UNC5C: variants seen among roughly 807,000 people sequenced by gnomAD.
UNC5C encodes the protein unc-5 netrin receptor C, also known as netrin receptor UNC5C.
In UNC5C, 47 loss-of-function variants were observed where a neutral mutation model predicts 99.8. That is an observed-to-expected ratio of 0.47 (90% CI 0.37 to 0.60). UNC5C has a LOEUF of 0.60. UNC5C is among the 20% of genes least tolerant of loss of function. The pLI is 0.00. For missense variants in UNC5C, 1,062 were observed against 1,165.9 expected (o/e 0.91, Z 1.30); for synonymous variants, 487 against 452.2 (o/e 1.08, Z -0.98).
intron 1 of UNC5C, among the ~76,000 whole-genome samples, chr4:95,459,047 C>T (rs192225307): frequency 1.3e-5 from 2 of 151,922 alleles, no homozygotes; most frequent in African/African-American, 4.8e-5. Context: ...TGATTTACAC[C>T]CCTGTTATCC....
chr4:95,253,100 G>A (rs984885976), intron 4 of UNC5C, among the ~76,000 whole-genome samples: 1 of 152,042 alleles, frequency 6.6e-6, no homozygotes, highest in African/African-American at 2.4e-5. Flanking sequence ...CATTCAACCT[G>A]TACTAGGCTT....
At chr4:95,271,851 C>G (rs1740679035) in intron 4 of UNC5C, among the ~76,000 whole-genome samples, 1 of 152,140 alleles carries the variant, frequency 6.6e-6, no homozygotes, top group African/African-American at 2.4e-5. Context: ...GCCCTCGTTC[C>G]CTCTTTCCTG....
chr4:95,488,605 G>A (rs1480562881), intron 1 of UNC5C, among the ~76,000 whole-genome samples: 1 of 151,650 alleles, frequency 6.6e-6, no homozygotes, highest in Non-Finnish European at 1.5e-5. Context: ...GGAGAAAAAT[G>A]CACACTCAGG....
intron 1 of UNC5C, among the ~76,000 whole-genome samples, chr4:95,488,316 A>G (rs1289474020): frequency 6.6e-6 from 1 of 151,828 alleles, no homozygotes; most frequent in Non-Finnish European, 1.5e-5. Flanking sequence ...AATATTTTCT[A>G]AGAAGGATTT....
At chr4:95,433,240 A>G (rs1358783385) in intron 1 of UNC5C, among the ~76,000 whole-genome samples, 1 of 152,180 alleles carries the variant, frequency 6.6e-6, no homozygotes, top group Non-Finnish European at 1.5e-5. Context: ...AAATAATTTA[A>G]AATGATTTCT....
intron 14 of UNC5C, among the ~76,000 whole-genome samples, chr4:95,177,593 A>G (rs1201829293): frequency 1.3e-5 from 2 of 152,188 alleles, no homozygotes; most frequent in Non-Finnish European, 2.9e-5. Context: ...GGGTCAATCC[A>G]GGGGTGTGGA....
intron 1 of UNC5C, among the ~76,000 whole-genome samples, chr4:95,510,564 G>T (rs1272964583): frequency 6.6e-6 from 1 of 150,906 alleles, no homozygotes; most frequent in East Asian, 1.9e-4. Context: ...TAGGCATATA[G>T]ATTTGAAAAT....
intron 7 of UNC5C, among the ~76,000 whole-genome samples, chr4:95,237,839 C>A (rs1739177297): frequency 1.3e-5 from 2 of 152,224 alleles, no homozygotes; most frequent in South Asian, 2.1e-4. Flanking sequence ...ATCAGGAGAT[C>A]TAGACCATCC....
chr4:95,342,987 G>A (rs1253403314), intron 1 of UNC5C, among the ~76,000 whole-genome samples: 1 of 151,668 alleles, frequency 6.6e-6, no homozygotes, highest in Non-Finnish European at 1.5e-5. Flanking sequence ...ATGGGTGCCA[G>A]TTTAGCCACA....
At chr4:95,442,348 A>G (rs909255497) in intron 1 of UNC5C, among the ~76,000 whole-genome samples, 1 of 148,950 alleles carries the variant, frequency 6.7e-6, no homozygotes, top group Non-Finnish European at 1.5e-5. Context: ...GACTACAGGC[A>G]TGTGCAACCA....
At chr4:95,434,064 A>G (rs1294796767) in intron 1 of UNC5C, among the ~76,000 whole-genome samples, 1 of 152,122 alleles carries the variant, frequency 6.6e-6, no homozygotes, top group African/African-American at 2.4e-5. Context: ...TGTGAATTAT[A>G]CATGTTTATG....
At position 95,527,169 on chromosome 4, in the gene UNC5C, A is replaced by C. The variant is rs553395921; in HGVS notation, c.124+21565T>G. 2.0e-5 allele frequency among the ~76,000 whole-genome samples: 3 copies of C among 152,272 alleles called. No homozygotes were observed. In the East Asian group the frequency reaches 5.8e-4, roughly 29 times the overall value. ...TTACTTTTACAATCCAGTGACAAAA[A>C]TTAACTGAACTCAAGAGATGCTGTC... On this transcript the variant is annotated intron_variant, in intron 1 of 15. Transcript: ENST00000453304.
intron 4 of UNC5C, among the ~76,000 whole-genome samples, chr4:95,276,292 A>C (rs191885417): frequency 3.3e-5 from 5 of 152,194 alleles, no homozygotes; most frequent in African/African-American, 1.2e-4. Context: ...AAAATGAAAA[A>C]GAAATGCATA....
intron 4 of UNC5C, among the ~76,000 whole-genome samples, chr4:95,264,444 T>C (rs182905615): frequency 6.6e-6 from 1 of 152,194 alleles, no homozygotes; most frequent in Non-Finnish European, 1.5e-5. Flanking sequence ...TCTGAGCAGA[T>C]GGCATATGTC....
At position 95,411,037 on chromosome 4, in the gene UNC5C, A is replaced by G. The variant is rs570239730; in HGVS notation, c.125-75406T>C. 3.3e-5 allele frequency among the ~76,000 whole-genome samples: 5 copies of G among 152,280 alleles called. No homozygotes were observed. The South Asian group carries it at 1.0e-3, about 32-fold the overall frequency. Reference sequence around the variant, plus strand: ...TTGGTTTAATTGTCTCTACAAGTCAACCTAGCAGGAGTTCAGCAGGGGAAG... The same window carrying G: ...TTGGTTTAATTGTCTCTACAAGTCAGCCTAGCAGGAGTTCAGCAGGGGAAG... On this transcript the variant is annotated intron_variant, in intron 1 of 15. Transcript: ENST00000453304.
At chr4:95,190,112 C>G (rs1260518521) in intron 12 of UNC5C, among the ~76,000 whole-genome samples, 1 of 152,076 alleles carries the variant, frequency 6.6e-6, no homozygotes, top group Non-Finnish European at 1.5e-5. Context: ...CAATGATAGA[C>G]TGAATAAAGA....
At chr4:95,415,688 T>C (rs1270043836) in intron 1 of UNC5C, among the ~76,000 whole-genome samples, 1 of 152,142 alleles carries the variant, frequency 6.6e-6, no homozygotes, top group African/African-American at 2.4e-5. Context: ...TCAGAACTCA[T>C]TCCCAAAACA....
At chr4:95,224,951 A>G (rs1441484987) in intron 7 of UNC5C, among the ~76,000 whole-genome samples, 1 of 151,996 alleles carries the variant, frequency 6.6e-6, no homozygotes, top group Non-Finnish European at 1.5e-5. Context: ...ATGAGAAACG[A>G]CAATAAATAC....
At chr4:95,351,626 A>T (rs1743994126) in intron 1 of UNC5C, among the ~76,000 whole-genome samples, 2 of 152,072 alleles carry the variant, frequency 1.3e-5, no homozygotes, top group Non-Finnish European at 2.9e-5. Context: ...TTGAGACTAC[A>T]GTGAGCTATG....
Sources: allele counts gnomAD v4.1 joint callset (sites outside exome capture counted in the v4.1 genomes callset), GRCh38; gene constraint gnomAD v4.1.1; transcripts MANE v1.5; gene names NCBI Gene and HGNC (gene_info 2026-07-23, HGNC 2026-07-21).